The following IQSEC3 variants were observed in gnomAD, a reference collection of about 807,000 sequenced individuals.
IQSEC3 encodes the protein IQ motif and Sec7 domain ArfGEF 3.
A neutral mutation model predicts 105.4 loss-of-function variants in IQSEC3; 50 were observed. That is an observed-to-expected ratio of 0.47 (90% CI 0.38 to 0.60). IQSEC3 has a LOEUF of 0.60. Ranked by LOEUF, IQSEC3 falls within the 20% of genes least tolerant of loss-of-function variation. The pLI is 0.00. For synonymous variants in IQSEC3, 708 were observed against 746.0 expected, an observed-to-expected ratio of 0.95 and a Z score of 0.83; for missense variants, 1,415 against 1,630.0, an observed-to-expected ratio of 0.87 and a Z score of 2.27.
rs1404306552 is a variant in IQSEC3, at chr12:108,569, C to G, written c.623+9355C>G. Among the ~76,000 whole-genome samples the G allele has an allele frequency of 5.3e-5, 8 of 152,192 alleles. 1 individual carries two copies. The highest frequency in any genetic ancestry group is 5.2e-4 in the Admixed American group (8 of 15,286). ...TCTGGTCTAACTTTGGTTTGATATTCTATCATATGTAAACAGTTATGGTCT... is the reference window on the plus strand; with the variant it reads ...TCTGGTCTAACTTTGGTTTGATATTGTATCATATGTAAACAGTTATGGTCT... On this transcript the variant is annotated intron_variant, in intron 2 of 13. Coordinates refer to ENST00000538872, the MANE Select transcript of IQSEC3 (RefSeq NM_001170738.2).
chr12:145,234 G>A (rs1866213415), intron 5 of IQSEC3, among the ~76,000 whole-genome samples: 1 of 152,348 alleles, frequency 6.6e-6, no homozygotes, highest in African/African-American at 2.4e-5. Flanking sequence ...TGTACATGAA[G>A]TGCCTGATGC....
rs1363136086 is a variant in IQSEC3 at position 118,898 on chromosome 12, CGA to C, written c.624-6733_624-6732del. ...GGGAGCCCAGAGAGGCTCACTACCC[CGA>C]GTCAGCTCCCTGGCAGGAGCTGTGT... On this transcript the variant is annotated intron_variant, in intron 2 of 13. Coordinates refer to ENST00000538872, the MANE Select transcript of IQSEC3 (RefSeq NM_001170738.2). 2.6e-5 allele frequency among the ~76,000 whole-genome samples: 4 copies of C among 152,322 alleles called. No individual in the cohort carries two copies. The East Asian group carries it at 5.8e-4, about 22-fold the overall frequency.
At position 90,697 on chromosome 12, in the gene IQSEC3, C is replaced by A. The variant is rs954457992; in HGVS notation, c.555-8449C>A. 2.6e-5 allele frequency among the ~76,000 whole-genome samples: 4 copies of A among 152,118 alleles called. No individual in the cohort carries two copies. In the East Asian group the frequency reaches 7.7e-4, roughly 29 times the overall value. ...ATCTGTGTGTCTATTCTTATGCCAC[C>A]ACTGCACCATCTTAATTATGGTAGC... On this transcript the variant is annotated intron_variant, in intron 1 of 13. Coordinates refer to ENST00000538872, the MANE Select transcript of IQSEC3 (RefSeq NM_001170738.2).
chr12:124,412 A>G (rs1449183579), intron 2 of IQSEC3, among the ~76,000 whole-genome samples: 1 of 150,650 alleles, frequency 6.6e-6, no homozygotes, highest in Non-Finnish European at 1.5e-5. Context: ...AAAAGAAAAG[A>G]AAAAGAAAGT....
intron 8 of IQSEC3, among the ~76,000 whole-genome samples, chr12:163,087 C>T (rs1555096789): frequency 6.6e-6 from 1 of 151,918 alleles, no homozygotes; most frequent in Non-Finnish European, 1.5e-5. Context: ...GAGCCTCAGA[C>T]GAGGAGAGAG....
At position 155,139 on chromosome 12, in the gene IQSEC3, G is replaced by C. The variant is rs17833135; in HGVS notation, c.2154-1886G>C. Reference sequence around the variant, plus strand: ...GCCGCATAGGGCCTTTGGCACTCACGTAGGGCTGCAAAGGGTGCAGGGTGG... The same window carrying C: ...GCCGCATAGGGCCTTTGGCACTCACCTAGGGCTGCAAAGGGTGCAGGGTGG... On this transcript the variant is annotated intron_variant, in intron 5 of 13. Coordinates refer to ENST00000538872, the MANE Select transcript of IQSEC3 (RefSeq NM_001170738.2). 2.6e-5 allele frequency among the ~76,000 whole-genome samples: 4 copies of C among 152,300 alleles called. No homozygotes were observed. In the East Asian group the frequency reaches 5.8e-4, roughly 22 times the overall value.
chr12:123,553 T>A (rs538054355), intron 2 of IQSEC3, among the ~76,000 whole-genome samples: 2 of 152,248 alleles, frequency 1.3e-5, no homozygotes, highest in South Asian at 4.1e-4. Flanking sequence ...GCAATGAAGA[T>A]TTTTCACGGC....
At chr12:108,796 T>C (rs7299958) in intron 2 of IQSEC3, among the ~76,000 whole-genome samples, 43,292 of 152,176 alleles carry the variant, frequency 0.28, 7,266 homozygotes, top group East Asian at 0.76. Context: ...CAGCCTGTGG[T>C]GCCTTCCCTG....
At chr12:135,127 CT>C in intron 3 of IQSEC3, among the ~76,000 whole-genome samples, 1 of 151,818 alleles carries the variant, frequency 6.6e-6, no homozygotes, top group African/African-American at 2.4e-5. Flanking sequence ...GGGACTCCAT[CT>C]CAAAGAAAAA....
chr12:66,969 C>G lies in IQSEC3; in HGVS notation c.87C>G (p.Ile29Met). The G allele has an allele frequency of 6.5e-7, 1 of 1,532,946 alleles. No individual in the cohort carries two copies. The highest frequency in any genetic ancestry group is 8.7e-7 in the Non-Finnish European group (1 of 1,145,682). 95.0% of individuals were successfully genotyped at this position (1,532,946 alleles called of 1,614,324 possible). The stretch of plus-strand genomic sequence containing the variant: ...TCGTGCAGAACCAGCAGAGCCTCAT[C>G]CACACCCAGCGAGAGCGTATCGACG... ...TAIVQNQQSL[I>M]HTQRERIDEL... The change falls in exon 1 of 14, where the codon ATC becomes ATG. Residue 29 changes from isoleucine to methionine, a missense_variant. Physicochemically the swap from Ile to Met is conservative, Grantham distance 10 (BLOSUM62 1). This residue lies in a region of IQSEC3 where 34 missense variants were observed against 80.3 expected (regional missense o/e 0.42). Coordinates refer to ENST00000538872, the MANE Select transcript of IQSEC3 (RefSeq NM_001170738.2).
At chr12:134,960 C>T (rs1333957945) in intron 3 of IQSEC3, among the ~76,000 whole-genome samples, 1 of 152,078 alleles carries the variant, frequency 6.6e-6, no homozygotes, top group African/African-American at 2.4e-5. Context: ...AACCCTGTCT[C>T]TACTTAAAAA....
At chr12:99,052 C>T (rs553580853) in intron 1 of IQSEC3, 94 bp from the exon 2 acceptor site, 6 of 1,155,386 alleles carry the variant, frequency 5.2e-6, no homozygotes, top group Non-Finnish European at 7.3e-6. Context: ...GGGGTAGGAG[C>T]AGCAAGATTT....
chr12:110,364 T>C (rs1004556384), intron 2 of IQSEC3, among the ~76,000 whole-genome samples: 2 of 151,922 alleles, frequency 1.3e-5, no homozygotes, highest in African/African-American at 2.4e-5. Flanking sequence ...ATCCTGAATA[T>C]TTTCTTATTT....
At chr12:134,198 T>C (rs1239828091) in intron 3 of IQSEC3, among the ~76,000 whole-genome samples, 1 of 152,236 alleles carries the variant, frequency 6.6e-6, no homozygotes, top group Non-Finnish European at 1.5e-5. Context: ...ATTTGTCGAA[T>C]ACACACTCAT....
At chr12:169,169 G>C in intron 12 of IQSEC3, 64 bp downstream of exon 12, 1 of 1,362,560 alleles carries the variant, frequency 7.3e-7, no homozygotes, top group Non-Finnish European at 1.0e-6. Context: ...CCTGGGTGTG[G>C]GTCCTGGGCA....
intron 2 of IQSEC3, among the ~76,000 whole-genome samples, 198 bp from the exon 3 acceptor site, chr12:125,435 G>T (rs1033072268): frequency 1.8e-4 from 28 of 152,126 alleles, no homozygotes; most frequent in Admixed American, 1.8e-3. Flanking sequence ...GCCTCCCCAG[G>T]TGCGGGTTCT....
At chr12:113,830 T>G (rs1189296203) in intron 2 of IQSEC3, among the ~76,000 whole-genome samples, 2 of 152,242 alleles carry the variant, frequency 1.3e-5, no homozygotes, top group East Asian at 3.8e-4. Context: ...TTTTGTGGAT[T>G]CCTTTCTAGC....
intron 3 of IQSEC3, among the ~76,000 whole-genome samples, chr12:127,084 A>G (rs888723901): frequency 1.3e-5 from 2 of 152,226 alleles, no homozygotes; most frequent in South Asian, 4.1e-4. Context: ...AAAAAATCCC[A>G]GGGAGTTGAG....
intron 5 of IQSEC3, chr12:147,747 C>T (rs1444223308): frequency 6.6e-6 from 1 of 152,186 alleles, no homozygotes; most frequent in Non-Finnish European, 1.5e-5. Context: ...AGGTACTCTC[C>T]CACCTCTTAC....
Sources: gnomAD v4.1 joint callset for allele counts (sites outside exome capture counted in the v4.1 genomes callset) on GRCh38, gnomAD v4.1.1 for gene constraint, gnomAD v4.1.1 regional missense constraint, MANE v1.5 for transcripts, NCBI Gene and HGNC (gene_info 2026-07-23, HGNC 2026-07-21) for gene names.